Variants in ATXN7L1 observed in about 807,000 individuals in gnomAD.
The protein encoded by ATXN7L1 is ataxin 7 like 1.
A neutral mutation model predicts 70.8 loss-of-function variants in ATXN7L1; 15 were observed. The observed-to-expected ratio is 0.21, with a 90% CI of 0.14 to 0.33. The LOEUF (loss-of-function observed/expected upper bound fraction) is 0.33. ATXN7L1 is among the 10% of genes least tolerant of loss of function. The probability of loss-of-function intolerance (pLI) is 1.00; values close to 1 mark genes in which losing one functional copy is unlikely to be tolerated. For synonymous variants in ATXN7L1, 440 were observed against 445.1 expected (o/e 0.99, Z 0.14); for missense variants, 975 against 1,097.1 (o/e 0.89, Z 1.57).
chr7:105,662,177 A>G (rs1011187354), intron 4 of ATXN7L1, among the ~76,000 whole-genome samples: 1 of 147,518 alleles, frequency 6.8e-6, no homozygotes, highest in East Asian at 2.0e-4. Context: ...ATCTTGGCTC[A>G]CTGCAACCTC....
In ATXN7L1 at chr7:105,805,740, G is replaced by C. The variant is rs565371446; in HGVS notation, c.251-17032C>G. ...AGCACAAGCTTCCAGGCAGTCGCAG[G>C]GGGAGGGGCAGCCCGGGTCGTGGGA... On this transcript the variant is annotated intron_variant, in intron 2 of 11. Transcript: ENST00000419735. 4.6e-5 allele frequency among the ~76,000 whole-genome samples: 7 copies of C among 152,190 alleles called. No individual in the cohort carries two copies. The East Asian group carries it at 7.7e-4, about 17-fold the overall frequency.
intron 3 of ATXN7L1, among the ~76,000 whole-genome samples, 194 bp from the exon 4 acceptor site, chr7:105,665,482 T>C (rs1028386603): frequency 5.3e-5 from 8 of 152,236 alleles, no homozygotes; most frequent in Non-Finnish European, 1.0e-4. Context: ...GCAATAATTA[T>C]GTTCTGGGTT....
intron 3 of ATXN7L1, among the ~76,000 whole-genome samples, chr7:105,692,407 T>TTCCCTCCCTCCC (rs1554431620): frequency 3.0e-4 from 25 of 82,300 alleles, no homozygotes; most frequent in South Asian, 2.3e-3. Flanking sequence ...CCTTCCTTCC[T>TTCCCTCCCTCCC]TCCTTCCTTC....
intron 8 of ATXN7L1, among the ~76,000 whole-genome samples, chr7:105,620,589 C>A (rs772892831): frequency 7.9e-5 from 12 of 152,110 alleles, no homozygotes; most frequent in Non-Finnish European, 1.5e-4. Context: ...ATTGAGCCAG[C>A]ATTTTTGGTT....
chr7:105,619,524 ATATATATTTTTTTTTT>A (rs1794573157), intron 9 of ATXN7L1, among the ~76,000 whole-genome samples: 1 of 21,600 alleles, frequency 4.6e-5, no homozygotes, highest in African/African-American at 2.5e-4. Context: ...ATATATATAT[ATATATATTTTTTTTTT>A]TTTTTTTTTT....
At chr7:105,672,779 TC>T (rs1234669783) in intron 3 of ATXN7L1, among the ~76,000 whole-genome samples, 2 of 152,166 alleles carry the variant, frequency 1.3e-5, no homozygotes, top group Non-Finnish European at 2.9e-5. Flanking sequence ...GGCACCTGAC[TC>T]CCCTAGGGAG....
intron 3 of ATXN7L1, among the ~76,000 whole-genome samples, chr7:105,729,629 C>A (rs949264150): frequency 3.9e-5 from 6 of 151,932 alleles, no homozygotes; most frequent in Non-Finnish European, 8.8e-5. Context: ...AGGGTTTCAC[C>A]ACATTGCTCA....
At chr7:105,655,919 T>C (rs946690145) in intron 4 of ATXN7L1, among the ~76,000 whole-genome samples, 1 of 152,254 alleles carries the variant, frequency 6.6e-6, no homozygotes, top group Non-Finnish European at 1.5e-5. Context: ...TGCTGATTTT[T>C]CTTTTGCTTT....
At chr7:105,752,186 A>G (rs1319598108) in intron 3 of ATXN7L1, among the ~76,000 whole-genome samples, 1 of 152,184 alleles carries the variant, frequency 6.6e-6, no homozygotes, top group African/African-American at 2.4e-5. Flanking sequence ...CCTCATGAAG[A>G]TGGACTGAAA....
chr7:105,822,728 G>A (rs1303205060), intron 2 of ATXN7L1, among the ~76,000 whole-genome samples: 1 of 152,160 alleles, frequency 6.6e-6, no homozygotes, highest in Non-Finnish European at 1.5e-5. Context: ...AGCTTGCCCA[G>A]TATCTCATAG....
chr7:105,619,522 A>G (rs1794561935), intron 9 of ATXN7L1, among the ~76,000 whole-genome samples: 2 of 20,142 alleles, frequency 9.9e-5, no homozygotes, highest in African/African-American at 4.8e-4. Context: ...ATATATATAT[A>G]TATATATATT....
At chr7:105,782,992 A>G (rs1378346860) in intron 3 of ATXN7L1, among the ~76,000 whole-genome samples, 2 of 152,240 alleles carry the variant, frequency 1.3e-5, no homozygotes, top group Admixed American at 1.3e-4. Flanking sequence ...CAATTTATTG[A>G]CAATCCTTTC....
chr7:105,837,218 C>T (rs1171239175), intron 2 of ATXN7L1, among the ~76,000 whole-genome samples: 2 of 152,116 alleles, frequency 1.3e-5, no homozygotes, highest in African/African-American at 2.4e-5. Flanking sequence ...CCACCAGGCC[C>T]CACCTCCAAC....
intron 3 of ATXN7L1, among the ~76,000 whole-genome samples, chr7:105,779,224 T>A (rs1803190975): frequency 6.6e-6 from 1 of 152,170 alleles, no homozygotes; most frequent in Non-Finnish European, 1.5e-5. Flanking sequence ...TTTCCTTGAG[T>A]GTGAGATAAA....
chr7:105,685,053 A>G (rs1339384131), intron 3 of ATXN7L1, among the ~76,000 whole-genome samples: 1 of 83,780 alleles, frequency 1.2e-5, no homozygotes, highest in East Asian at 7.2e-4. Flanking sequence ...TGATAATAAT[A>G]ATAATAATAA....
At chr7:105,810,187 G>A (rs1193496480) in intron 2 of ATXN7L1, among the ~76,000 whole-genome samples, 2 of 152,158 alleles carry the variant, frequency 1.3e-5, no homozygotes, top group African/African-American at 4.8e-5. Flanking sequence ...GCAAAAGATG[G>A]GGCAGGGAGG....
intron 9 of ATXN7L1, among the ~76,000 whole-genome samples, chr7:105,619,760 A>G: frequency 6.6e-6 from 1 of 151,128 alleles, no homozygotes; most frequent in African/African-American, 2.4e-5. Flanking sequence ...GTCTTGCTAT[A>G]TTGCCCAGGC....
intron 2 of ATXN7L1, among the ~76,000 whole-genome samples, chr7:105,846,503 C>T (rs116389652): frequency 0.034 from 5,230 of 152,254 alleles, 292 homozygotes; most frequent in African/African-American, 0.12. Flanking sequence ...TTAGAACCCT[C>T]ATACATTGTT....
chr7:105,862,935 C>A (rs1161185977), intron 2 of ATXN7L1, among the ~76,000 whole-genome samples: 3 of 152,140 alleles, frequency 2.0e-5, no homozygotes. Flanking sequence ...GAGACAGTGA[C>A]AACTAGGGCA....
Sources: allele counts gnomAD v4.1 joint callset (sites outside exome capture counted in the v4.1 genomes callset), GRCh38; gene constraint gnomAD v4.1.1; transcripts MANE v1.5; gene names NCBI Gene and HGNC (gene_info 2026-07-23, HGNC 2026-07-21).